The following WDHD1 variants were observed in gnomAD, a reference collection of about 807,000 sequenced individuals.
WDHD1 encodes the protein WD repeat and HMG-box DNA-binding protein 1.
In WDHD1, 111 loss-of-function variants were observed where a neutral mutation model predicts 135.4. The ratio of observed to expected loss-of-function variants is 0.82; its 90% confidence interval spans 0.70 to 0.96. The LOEUF (loss-of-function observed/expected upper bound fraction) is 0.96. Ranked by LOEUF, WDHD1 falls within the 40% of genes least tolerant of loss-of-function variation. The pLI is 0.00. For synonymous variants in WDHD1, 434 were observed against 439.0 expected (o/e 0.99, Z 0.14); for missense variants, 1,351 against 1,336.3 (o/e 1.01, Z -0.17).
At chr14:54,974,348 G>T (rs1352108005) in intron 16 of WDHD1, among the ~76,000 whole-genome samples, 1 of 151,660 alleles carries the variant, frequency 6.6e-6, no homozygotes, top group African/African-American at 2.4e-5. Context: ...ACGGAGGATC[G>T]CTTGAGGCCA....
At chr14:55,006,896 C>G (rs766413425) in intron 7 of WDHD1, among the ~76,000 whole-genome samples, 9 of 151,918 alleles carry the variant, frequency 5.9e-5, no homozygotes, top group Non-Finnish European at 8.8e-5. Context: ...TATTTTTACA[C>G]TCAAAGTTGA....
In WDHD1 at chr14:54,941,443, G is replaced by C; in HGVS notation, c.*47C>G. ...CCAAAGACTCGAGTCTATATTCAAA[G>C]ATGAGTAAAAAAAAATCCATTACTT... On this transcript the variant is annotated 3_prime_UTR_variant, in exon 26 of 26. Coordinates refer to ENST00000360586, the MANE Select transcript of WDHD1 (RefSeq NM_007086.4). The C allele has an allele frequency of 6.6e-7, 1 of 1,519,906 alleles. No individual in the cohort carries two copies. Among genetic ancestry groups the C allele is most frequent in the Non-Finnish European group, 8.9e-7 (1 of 1,123,144 alleles). The allele number at this position is 1,519,906 out of a possible 1,614,324, so 94.2% of individuals were successfully genotyped here.
intron 16 of WDHD1, among the ~76,000 whole-genome samples, chr14:54,978,457 T>A (rs1424138183): frequency 1.3e-5 from 2 of 152,046 alleles, no homozygotes; most frequent in African/African-American, 4.8e-5. Flanking sequence ...TGGTAGCCTG[T>A]GCCTGTAGTT....
At chr14:54,967,900 C>T (rs181844845) in intron 16 of WDHD1, among the ~76,000 whole-genome samples, 271 of 152,272 alleles carry the variant, frequency 1.8e-3, no homozygotes, top group Middle Eastern at 6.8e-3. Flanking sequence ...GGATTACAGG[C>T]GTGAGCTACC....
At chr14:55,008,154 G>A (rs2042103827) in intron 6 of WDHD1, among the ~76,000 whole-genome samples, 162 bp downstream of exon 6, 1 of 152,090 alleles carries the variant, frequency 6.6e-6, no homozygotes. Context: ...TATTTATTTG[G>A]CACTAGAATA....
chr14:54,956,456 G>C (rs2041160470), intron 23 of WDHD1, among the ~76,000 whole-genome samples: 1 of 151,940 alleles, frequency 6.6e-6, no homozygotes, highest in African/African-American at 2.4e-5. Context: ...TGGCCATCAT[G>C]CTGAAACCCC....
At chr14:54,946,493 T>C (rs1250374679) in intron 24 of WDHD1, among the ~76,000 whole-genome samples, 1 of 152,212 alleles carries the variant, frequency 6.6e-6, no homozygotes, top group East Asian at 1.9e-4. Context: ...TCTTCTTTGT[T>C]GTTGTTTTAA....
chr14:55,012,455 A>G (rs1284709261), intron 3 of WDHD1, among the ~76,000 whole-genome samples: 2 of 152,190 alleles, frequency 1.3e-5, no homozygotes, highest in Non-Finnish European at 2.9e-5. Flanking sequence ...TCTCATTCCC[A>G]TATTTGCGTT....
In WDHD1 at chr14:54,991,281, T is replaced by C. The variant is rs759798883; in HGVS notation, c.1273A>G (p.Met425Val). Residue 425 changes from methionine to valine, a missense_variant, in exon 12 of 26, where the codon ATG (methionine) becomes GTG (valine). Met to Val is a conservative substitution (Grantham distance 21). This residue lies in a region of WDHD1 where 1,330 missense variants were observed against 1,296.1 expected (regional missense o/e 1.03). Coordinates refer to ENST00000360586, the MANE Select transcript of WDHD1 (RefSeq NM_007086.4). ...AATGGCTTTTGCCGGGGAGTTGGCA[T>C]GGGTCCATCATAAAATGGCCTTTGG... is the stretch of plus-strand genomic sequence containing the variant. The part of the protein sequence containing the change: ...TSQRPFYDGP[M>V]PTPRQKPFQS... 1.2e-6 allele frequency: 2 copies of C among 1,613,790 alleles called. No homozygotes were observed. Among genetic ancestry groups the C allele is most frequent in the Admixed American group, 3.3e-5 (2 of 60,010 alleles).
chr14:55,004,351 A>C (rs1425346774), intron 7 of WDHD1, among the ~76,000 whole-genome samples: 1 of 152,198 alleles, frequency 6.6e-6, no homozygotes, highest in Non-Finnish European at 1.5e-5. Flanking sequence ...TATAATTCTC[A>C]TAACTTTATG....
chr14:54,969,999 T>C (rs2140176302), intron 16 of WDHD1, among the ~76,000 whole-genome samples: 1 of 152,208 alleles, frequency 6.6e-6, no homozygotes, highest in Admixed American at 6.5e-5. Flanking sequence ...AAATTCAACA[T>C]CCTTTCATAA....
chr14:55,000,409 T>C, intron 10 of WDHD1, 94 bp downstream of exon 10: 1 of 1,306,814 alleles, frequency 7.7e-7, no homozygotes, highest in Non-Finnish European at 1.0e-6. Context: ...TGAAAGGTAA[T>C]TTTCCAAGAA....
intron 16 of WDHD1, among the ~76,000 whole-genome samples, chr14:54,970,422 G>A (rs989390780): frequency 6.6e-6 from 1 of 151,914 alleles, no homozygotes; most frequent in Non-Finnish European, 1.5e-5. Context: ...AGTCATACAT[G>A]TACATAAAAT....
At chr14:54,995,416 C>G (rs1396580638) in intron 11 of WDHD1, among the ~76,000 whole-genome samples, 187 bp downstream of exon 11, 1 of 152,040 alleles carries the variant, frequency 6.6e-6, no homozygotes, top group Non-Finnish European at 1.5e-5. Flanking sequence ...TTTTTCTAGT[C>G]TGCCATAGCA....
chr14:54,966,170 A>C (rs908112278), intron 18 of WDHD1, among the ~76,000 whole-genome samples: 3 of 148,104 alleles, frequency 2.0e-5, no homozygotes, highest in African/African-American at 7.4e-5. Context: ...CTACTAAAAA[A>C]AAAAAAAAAA....
intron 7 of WDHD1, among the ~76,000 whole-genome samples, chr14:55,002,549 C>T (rs2041994667): frequency 6.6e-6 from 1 of 152,112 alleles, no homozygotes; most frequent in East Asian, 1.9e-4. Context: ...AAGGTGATCA[C>T]TCTATTGCTT....
Position 54,962,693 on chromosome 14 carries a change from T to A in WDHD1, c.2647+45A>T, listed in dbSNP as rs747256768. 1.7e-5 allele frequency: 27 copies of A among 1,597,672 alleles called. No homozygotes were observed. In the Middle Eastern group the frequency reaches 9.9e-4, roughly 59 times the overall value. Reference sequence around the variant, plus strand: ...GTTAAGCAAAATGGGAAAAGCCACATCCATGATAGTTCTCATGATTTATGG... The same window carrying A: ...GTTAAGCAAAATGGGAAAAGCCACAACCATGATAGTTCTCATGATTTATGG... On this transcript the variant is annotated intron_variant, in intron 20 of 25. Coordinates refer to ENST00000360586, the MANE Select transcript of WDHD1 (RefSeq NM_007086.4).
At chr14:55,010,912 A>G (rs1216591747) in intron 3 of WDHD1, among the ~76,000 whole-genome samples, 2 of 152,242 alleles carry the variant, frequency 1.3e-5, no homozygotes, top group South Asian at 2.1e-4. Flanking sequence ...TAAATGCAGC[A>G]TCCATGCCAG....
At position 54,995,148 on chromosome 14, in the gene WDHD1, A is replaced by AT. The variant is rs201260736; in HGVS notation, c.1153+454dup. Among the ~76,000 whole-genome samples the AT allele has an allele frequency of 1.8e-4, 27 of 151,904 alleles. No homozygotes were observed. The East Asian group carries it at 5.2e-3, about 29-fold the overall frequency. On this transcript the variant is annotated intron_variant, in intron 11 of 25. Transcript: ENST00000360586. ...AGGCACGTGCCACCACACCCAGCTA[A>AT]TTTTTGTATTTTTGTAGAGACAGGG... is the stretch of plus-strand genomic sequence containing the variant.
Sources: allele counts gnomAD v4.1 joint callset (sites outside exome capture counted in the v4.1 genomes callset), GRCh38; gene constraint gnomAD v4.1.1; regional missense constraint gnomAD v4.1.1; transcripts MANE v1.5; gene names NCBI Gene and HGNC (gene_info 2026-07-23, HGNC 2026-07-21).